CUX1: variants seen among roughly 807,000 people sequenced by gnomAD.
The protein encoded by CUX1 is cut like homeobox 1, also known as protein CASP.
A neutral mutation model predicts 158.8 loss-of-function variants in CUX1; 31 were observed. That is an observed-to-expected ratio of 0.20 (90% confidence interval 0.15 to 0.26). CUX1 has a LOEUF of 0.26. CUX1 is among the 10% of genes least tolerant of loss of function. The pLI, the probability that CUX1 is intolerant of heterozygous loss-of-function variation, is 1.00. For missense variants in CUX1, 1,589 were observed against 2,014.6 expected (o/e 0.79, Z 4.04); for synonymous variants, 879 against 862.1 (o/e 1.02, Z -0.34).
intron 4 of CUX1, among the ~76,000 whole-genome samples, chr7:102,085,290 G>A (rs1461013226): frequency 6.6e-6 from 1 of 152,120 alleles, no homozygotes; most frequent in East Asian, 1.9e-4. Context: ...GATTCAATTT[G>A]CTACTGTTTT....
chr7:102,117,843 G>T (rs563428819), intron 8 of CUX1, among the ~76,000 whole-genome samples: 5 of 152,204 alleles, frequency 3.3e-5, no homozygotes, highest in Non-Finnish European at 1.5e-5. Flanking sequence ...ATTTGCCTGT[G>T]GGGTAGGATG....
chr7:101,872,209 C>T (rs964136964), intron 1 of CUX1, among the ~76,000 whole-genome samples: 2 of 152,162 alleles, frequency 1.3e-5, no homozygotes, highest in East Asian at 3.9e-4. Flanking sequence ...TCTTGGCTCA[C>T]TGCAACCTCT....
chr7:102,204,469 C>T lies in CUX1; in HGVS notation c.2986C>T (p.Arg996Ter), dbSNP rs2132065095. The change falls in exon 19 of 24, where the codon CGA becomes TGA. Residue 996 changes from arginine (R) to a stop codon, truncating the protein, a stop_gained. Transcript: ENST00000292535. LOFTEE classifies it high-confidence loss of function. ...KPWSKLTQKG[R>*]EPFIRMQLWL... The stretch of plus-strand genomic sequence containing the variant: ...ATGGAGCAAGCTGACGCAGAAAGGC[C>T]GAGAACCCTTCATCCGGATGCAGCT... 1 of 1,613,826 alleles carries T rather than the reference C, an allele frequency of 6.2e-7. No individual in the cohort carries two copies. The highest frequency in any genetic ancestry group is 8.5e-7 in the Non-Finnish European group (1 of 1,180,032).
chr7:101,868,728 G>A (rs1432636301), intron 1 of CUX1, among the ~76,000 whole-genome samples: 1 of 152,216 alleles, frequency 6.6e-6, no homozygotes, highest in Admixed American at 6.5e-5. Flanking sequence ...GTGCTTTAGG[G>A]GTTGACAGGG....
Position 102,099,906 on chromosome 7 carries a change from G to A in CUX1, c.406+2405G>A, listed in dbSNP as rs530284905. ...CAGGGGCTGACCAGGAGCCAAGCTGGGTGTGGATGTTCTCTCCCCAAAGAT... is the reference window on the plus strand; with the variant it reads ...CAGGGGCTGACCAGGAGCCAAGCTGAGTGTGGATGTTCTCTCCCCAAAGAT... On this transcript the variant is annotated intron_variant, in intron 5 of 23. Transcript: ENST00000292535. Among the ~76,000 whole-genome samples the A allele has an allele frequency of 2.6e-5, 4 of 152,022 alleles. No homozygotes were observed. The East Asian group carries it at 7.7e-4, about 29-fold the overall frequency.
chr7:101,816,163 G>A, upstream of CUX1: 1 of 882,628 alleles, frequency 1.1e-6, no homozygotes, highest in Middle Eastern at 5.1e-4. Context: ...CTCCGCCGGG[G>A]GCCCCGGGCT....
At chr7:101,880,031 A>G (rs574541166) in intron 1 of CUX1, among the ~76,000 whole-genome samples, 1 of 152,272 alleles carries the variant, frequency 6.6e-6, no homozygotes, top group South Asian at 2.1e-4. Context: ...GGATCGCAGC[A>G]TATACCTTGT....
intron 11 of CUX1, among the ~76,000 whole-genome samples, chr7:102,188,259 G>A (rs1793843927): frequency 6.6e-6 from 1 of 152,060 alleles, no homozygotes; most frequent in Non-Finnish European, 1.5e-5. Context: ...ACCCTGTAGA[G>A]GGGAAGTTAC....
At chr7:102,231,687 C>T (rs1799011264) in intron 21 of CUX1, among the ~76,000 whole-genome samples, 1 of 151,564 alleles carries the variant, frequency 6.6e-6, no homozygotes, top group Non-Finnish European at 1.5e-5. Flanking sequence ...GATTCTTTTA[C>T]CATGTTAGCA....
chr7:102,117,495 G>C (rs2131149159), intron 8 of CUX1, among the ~76,000 whole-genome samples: 1 of 151,290 alleles, frequency 6.6e-6, no homozygotes, highest in South Asian at 2.1e-4. Context: ...GCCTGGGTTT[G>C]AATGAGCCAG....
At chr7:102,077,157 G>A (rs1408025438) in intron 4 of CUX1, among the ~76,000 whole-genome samples, 2 of 152,026 alleles carry the variant, frequency 1.3e-5, no homozygotes, top group Non-Finnish European at 2.9e-5. Context: ...GAATCAAGCA[G>A]GACAGAGGCA....
intron 1 of CUX1, among the ~76,000 whole-genome samples, chr7:101,850,637 C>T (rs1796182097): frequency 6.6e-6 from 1 of 152,076 alleles, no homozygotes; most frequent in African/African-American, 2.4e-5. Flanking sequence ...GCCTCCGCCT[C>T]CCAAAAAGCT....
chr7:102,222,340 C>T (rs570982691), intron 20 of CUX1, among the ~76,000 whole-genome samples: 2 of 152,260 alleles, frequency 1.3e-5, no homozygotes, highest in East Asian at 3.9e-4. Flanking sequence ...TTCAGAATCA[C>T]GTGGTGTTGG....
At position 101,821,656 on chromosome 7, in the gene CUX1, CT is replaced by C. The variant is rs1373224584; in HGVS notation, c.30+3994del. On this transcript the variant is annotated intron_variant, in intron 1 of 23. Transcript: ENST00000292535. ...CCCGGCCCCTATTTTCTTTTCTTTT[CT>C]TTTTTTCTTTTTTCTTTTTTTTTTT... Among the ~76,000 whole-genome samples, 3 of 94,538 alleles carry C rather than the reference CT, an allele frequency of 3.2e-5. No homozygotes were observed. The South Asian group carries it at 1.1e-3, about 34-fold the overall frequency. The allele number at this position is 94,538 out of a possible 152,430, so 62.0% of individuals were successfully genotyped here. A position where few individuals can be genotyped will look rare whatever the true frequency, so the allele number is the denominator to read the frequency against.
intron 9 of CUX1, among the ~76,000 whole-genome samples, chr7:102,167,676 G>A (rs139909895): frequency 4.6e-5 from 7 of 152,348 alleles, no homozygotes; most frequent in Non-Finnish European, 7.3e-5. Context: ...CAAGGGAGGC[G>A]TAAGCTCTTC....
intron 3 of CUX1, among the ~76,000 whole-genome samples, chr7:102,041,666 ATTT>A (rs1246831975): frequency 2.9e-5 from 3 of 104,908 alleles, no homozygotes; most frequent in Non-Finnish European, 3.8e-5. Flanking sequence ...CTCCCTTTTG[ATTT>A]TTTTTTTTTT....
chr7:101,990,612 A>AG (rs1814980415), intron 2 of CUX1, among the ~76,000 whole-genome samples: 1 of 151,984 alleles, frequency 6.6e-6, no homozygotes, highest in Non-Finnish European at 1.5e-5. Flanking sequence ...CCTGACTTCA[A>AG]GTGACGCTCC....
intron 1 of CUX1, among the ~76,000 whole-genome samples, chr7:101,862,023 T>G (rs2131368621): frequency 6.6e-6 from 1 of 152,216 alleles, no homozygotes; most frequent in East Asian, 1.9e-4. Context: ...TTAATAGAGA[T>G]GGGGTTTCAC....
rs782446258 is a variant in CUX1, at chr7:102,197,318, C to T, written c.1894+13C>T. 8 of 1,605,394 alleles carry T rather than the reference C, an allele frequency of 5.0e-6. No individual in the cohort carries two copies. Among genetic ancestry groups the T allele is most frequent in the South Asian group, 2.2e-5 (2 of 90,800 alleles). ...GGCAGACAAAGAGGTGAGAGACTGG[C>T]GTTGGGTGGCGCCAGCGTGCGAGCC... is the stretch of plus-strand genomic sequence containing the variant. On this transcript the variant is annotated intron_variant, in intron 15 of 23. Coordinates refer to ENST00000292535, the MANE Select transcript of CUX1 (RefSeq NM_181552.4).
Sources: allele counts gnomAD v4.1 joint callset (sites outside exome capture counted in the v4.1 genomes callset), GRCh38; gene constraint gnomAD v4.1.1; transcripts MANE v1.5; gene names NCBI Gene and HGNC (gene_info 2026-07-23, HGNC 2026-07-21).